PLCB1: variants seen among roughly 807,000 people sequenced by gnomAD.
PLCB1 encodes the protein 1-phosphatidylinositol 4,5-bisphosphate phosphodiesterase beta-1.
Under a neutral mutation model 161.8 loss-of-function variants are expected in PLCB1, and 46 were observed. The observed-to-expected ratio is 0.28, with a 90% CI of 0.22 to 0.36. PLCB1 has a LOEUF of 0.36. PLCB1 is among the 10% of genes least tolerant of loss of function. The pLI is 1.00. For missense variants in PLCB1, 1,016 were observed against 1,472.5 expected (o/e 0.69, Z 5.07); for synonymous variants, 517 against 503.7 (o/e 1.03, Z -0.35).
chr20:8,470,032 G>A (rs554325321), intron 3 of PLCB1, among the ~76,000 whole-genome samples: 1 of 152,258 alleles, frequency 6.6e-6, no homozygotes, highest in South Asian at 2.1e-4. Context: ...CACAAAATAT[G>A]TGGTCTTTTG....
At chr20:8,385,655 G>A (rs879456280) in intron 3 of PLCB1, among the ~76,000 whole-genome samples, 2 of 152,234 alleles carry the variant, frequency 1.3e-5, no homozygotes, top group African/African-American at 4.8e-5. Flanking sequence ...GTGGGTTCAC[G>A]AGTGGGATCT....
chr20:8,184,221 C>G (rs191116582), intron 2 of PLCB1, among the ~76,000 whole-genome samples: 1 of 152,200 alleles, frequency 6.6e-6, no homozygotes, highest in African/African-American at 2.4e-5. Context: ...ATATAGGATG[C>G]ATACTAATTT....
intron 2 of PLCB1, among the ~76,000 whole-genome samples, chr20:8,283,031 C>T (rs1211508723): frequency 6.6e-6 from 1 of 152,164 alleles, no homozygotes; most frequent in Non-Finnish European, 1.5e-5. Context: ...CTGCTGTCCT[C>T]CAACATTGCT....
intron 3 of PLCB1, among the ~76,000 whole-genome samples, chr20:8,429,353 G>C (rs868037965): frequency 8.5e-5 from 13 of 152,268 alleles, no homozygotes; most frequent in Middle Eastern, 6.8e-3. Flanking sequence ...TTTTGAACAA[G>C]AGCTCATAGA....
intron 2 of PLCB1, among the ~76,000 whole-genome samples, chr20:8,293,888 T>C (rs2123307206): frequency 6.6e-6 from 1 of 152,168 alleles, no homozygotes; most frequent in Non-Finnish European, 1.5e-5. Flanking sequence ...TGCAGAGAAG[T>C]AAGGGACTAG....
chr20:8,762,079 G>A (rs183710860), intron 25 of PLCB1, among the ~76,000 whole-genome samples: 27 of 152,018 alleles, frequency 1.8e-4, no homozygotes, highest in East Asian at 3.9e-4. Flanking sequence ...CTGTGGTGGC[G>A]CGCACCTATA....
At chr20:8,528,420 A>C (rs1984667652) in intron 3 of PLCB1, among the ~76,000 whole-genome samples, 1 of 152,060 alleles carries the variant, frequency 6.6e-6, no homozygotes, top group Non-Finnish European at 1.5e-5. Context: ...CAGACACAAA[A>C]GTTATTCCAT....
Position 8,796,009 on chromosome 20 carries a change from G to A in PLCB1, c.3423+5748G>A, listed in dbSNP as rs545577733. On this transcript the variant is annotated intron_variant, in intron 31 of 31. Transcript: ENST00000338037. ...TTATAAGAAGAATCATCTTTTGAGG[G>A]GAATATTTAATGAACTATCTCCATA... Among the ~76,000 whole-genome samples the A allele has an allele frequency of 4.2e-4, 64 of 152,168 alleles. 1 individual carries two copies. Among genetic ancestry groups the A allele is most frequent in the Non-Finnish European group, 7.2e-4 (49 of 68,006 alleles).
At position 8,831,221 on chromosome 20, in the gene PLCB1, C is replaced by T. The variant is rs1028938751; in HGVS notation, c.3423+40960C>T. ...TACACCCAGGAGGTCACTCTCTCCC[C>T]AGGCTGTGTCCAAGTAGCATAGGGG... On this transcript the variant is annotated intron_variant, in intron 31 of 31. Transcript: ENST00000338037. The T allele has an allele frequency of 1.5e-4, 23 of 157,038 alleles. No homozygotes were observed. The East Asian group carries it at 3.2e-3, about 22-fold the overall frequency. 9.7% of individuals were successfully genotyped at this position (157,038 alleles called of 1,614,324 possible).
At chr20:8,797,893 C>T (rs1031915626) in intron 31 of PLCB1, among the ~76,000 whole-genome samples, 34 of 152,172 alleles carry the variant, frequency 2.2e-4, no homozygotes, top group African/African-American at 8.0e-4. Context: ...TTCTCTGGGT[C>T]TTTAAAGATA....
At chr20:8,546,926 C>G (rs1985573722) in intron 3 of PLCB1, among the ~76,000 whole-genome samples, 1 of 152,112 alleles carries the variant, frequency 6.6e-6, no homozygotes, top group African/African-American at 2.4e-5. Context: ...TATCTCTGCT[C>G]TGCTGTTTCT....
At chr20:8,313,012 A>T (rs1243125924) in intron 2 of PLCB1, among the ~76,000 whole-genome samples, 2 of 152,264 alleles carry the variant, frequency 1.3e-5, no homozygotes, top group East Asian at 3.9e-4. Flanking sequence ...GTATTTAATA[A>T]AATGTGAAAG....
chr20:8,786,764 T>C (rs1600326734), intron 27 of PLCB1, among the ~76,000 whole-genome samples: 2 of 150,948 alleles, frequency 1.3e-5, no homozygotes, highest in South Asian at 4.2e-4. Context: ...AGTGCAGTGG[T>C]GCAATCTCGG....
chr20:8,785,688 C>T (rs897443415), intron 27 of PLCB1, among the ~76,000 whole-genome samples: 5 of 152,008 alleles, frequency 3.3e-5, no homozygotes, highest in Non-Finnish European at 4.4e-5. Flanking sequence ...TGACACCAAA[C>T]CAACATAAAA....
At chr20:8,458,206 G>A (rs892291000) in intron 3 of PLCB1, among the ~76,000 whole-genome samples, 4 of 152,170 alleles carry the variant, frequency 2.6e-5, no homozygotes, top group African/African-American at 4.8e-5. Flanking sequence ...TGACTGTATC[G>A]TGACTGTTGG....
At chr20:8,169,924 T>C (rs981483729) in intron 2 of PLCB1, among the ~76,000 whole-genome samples, 2 of 152,330 alleles carry the variant, frequency 1.3e-5, no homozygotes, top group African/African-American at 4.8e-5. Flanking sequence ...GACTGAATTC[T>C]CGACCCTTTG....
intron 3 of PLCB1, among the ~76,000 whole-genome samples, chr20:8,389,324 G>A (rs1987521999): frequency 6.6e-6 from 1 of 152,166 alleles, no homozygotes; most frequent in African/African-American, 2.4e-5. Context: ...CATTTATAAT[G>A]GCCAGCATCT....
intron 2 of PLCB1, among the ~76,000 whole-genome samples, chr20:8,367,458 T>A (rs936869618): frequency 1.3e-5 from 2 of 152,216 alleles, no homozygotes; most frequent in African/African-American, 4.8e-5. Flanking sequence ...TTCAGGTGAC[T>A]GTAATGCAGG....
At chr20:8,384,026 T>C (rs1987343729) in intron 3 of PLCB1, among the ~76,000 whole-genome samples, 1 of 152,126 alleles carries the variant, frequency 6.6e-6, no homozygotes, top group Non-Finnish European at 1.5e-5. Flanking sequence ...GTGGGGTATC[T>C]TAGCGGTGTT....
Sources: gnomAD v4.1 joint callset for allele counts (sites outside exome capture counted in the v4.1 genomes callset) on GRCh38, gnomAD v4.1.1 for gene constraint, MANE v1.5 for transcripts, NCBI Gene and HGNC (gene_info 2026-07-23, HGNC 2026-07-21) for gene names.